The following ZAP70 variants were observed in gnomAD, a reference collection of about 807,000 sequenced individuals.
ZAP70 encodes zeta chain of T cell receptor associated protein kinase 70, also known as tyrosine-protein kinase ZAP-70.
In ZAP70, 27 loss-of-function variants were observed where a neutral mutation model predicts 65.8. That is an observed-to-expected ratio of 0.41 (90% confidence interval 0.30 to 0.57). The LOEUF is 0.57. Ranked by LOEUF, ZAP70 falls within the 20% of genes least tolerant of loss-of-function variation. The probability of loss-of-function intolerance (pLI) is 0.28; values close to 1 mark genes in which losing one functional copy is unlikely to be tolerated. For synonymous variants in ZAP70, 363 were observed against 360.8 expected (o/e 1.01, Z -0.07); for missense variants, 696 against 870.5 (o/e 0.80, Z 2.52).
chr2:97,720,950 C>T (rs1197105338), intron 2 of ZAP70, among the ~76,000 whole-genome samples: 2 of 152,174 alleles, frequency 1.3e-5, no homozygotes, highest in African/African-American at 4.8e-5. Context: ...GGAGCTTTCA[C>T]AAAAGCATTC....
the ZAP70 span, among the ~76,000 whole-genome samples, chr2:97,751,815 G>A: frequency 6.6e-6 from 1 of 152,236 alleles, no homozygotes; most frequent in African/African-American, 2.4e-5. Context: ...GGGAGGAAGA[G>A]GGAGGTGGGG....
chr2:97,745,283 C>G, the ZAP70 span, among the ~76,000 whole-genome samples: 1 of 152,238 alleles, frequency 6.6e-6, no homozygotes, highest in African/African-American at 2.4e-5. Flanking sequence ...AGGTGATCCA[C>G]CTGCCTTGGC....
intron 13 of ZAP70, 89 bp from the exon 14 acceptor site, chr2:97,739,286 C>T: frequency 1.3e-6 from 2 of 1,570,250 alleles, no homozygotes; most frequent in Non-Finnish European, 1.7e-6. Flanking sequence ...AAAAGTCTAC[C>T]TCAGCCAAGC....
At chr2:97,714,706 T>C (rs1676839808) in intron 2 of ZAP70, among the ~76,000 whole-genome samples, 1 of 152,150 alleles carries the variant, frequency 6.6e-6, no homozygotes, top group African/African-American at 2.4e-5. Flanking sequence ...CTCGTCTTGG[T>C]TGGAACAGTA....
chr2:97,734,299 A>G (rs1559326823), intron 8 of ZAP70: 1 of 1,340,244 alleles, frequency 7.5e-7, no homozygotes, highest in East Asian at 2.6e-5. Flanking sequence ...ACGCCCCTAG[A>G]GTCCACCCTC....
intron 4 of ZAP70, among the ~76,000 whole-genome samples, chr2:97,726,489 G>C (rs1677393417): frequency 6.6e-6 from 1 of 152,236 alleles, no homozygotes; most frequent in African/African-American, 2.4e-5. Context: ...CTTGGCCTGA[G>C]CCCCTGCCCA....
chr2:97,726,696 C>T (rs1677401134), intron 4 of ZAP70, among the ~76,000 whole-genome samples: 1 of 152,246 alleles, frequency 6.6e-6, no homozygotes, highest in Non-Finnish European at 1.5e-5. Flanking sequence ...TTTCACCCTA[C>T]CATACAGATT....
intron 7 of ZAP70, 39 bp downstream of exon 7, chr2:97,733,382 A>C (rs374670472): frequency 1.3e-6 from 2 of 1,591,098 alleles, no homozygotes. Context: ...TTGGGGATGG[A>C]GCTGGGGAGT....
At chr2:97,751,288 C>T in the ZAP70 span, among the ~76,000 whole-genome samples, 17 of 151,988 alleles carry the variant, frequency 1.1e-4, no homozygotes, top group East Asian at 3.9e-4. Flanking sequence ...CACGTAGAGG[C>T]GGGTGTGTTT....
intron 13 of ZAP70, 70 bp from the exon 14 acceptor site, chr2:97,739,305 T>C: frequency 1.9e-6 from 3 of 1,602,974 alleles, no homozygotes; most frequent in Non-Finnish European, 2.6e-6. Flanking sequence ...GCACAGTGCA[T>C]GCCCACCCAC....
the ZAP70 span, among the ~76,000 whole-genome samples, chr2:97,748,960 G>C: frequency 2.0e-5 from 3 of 151,516 alleles, no homozygotes; most frequent in African/African-American, 7.3e-5. Context: ...GTCTGGGAGT[G>C]CGTTTGTAGA....
the ZAP70 span, among the ~76,000 whole-genome samples, chr2:97,753,237 C>A: frequency 1.3e-5 from 2 of 152,292 alleles, no homozygotes; most frequent in African/African-American, 4.8e-5. Flanking sequence ...GCAGGGAAGA[C>A]CCCTTTCCTC....
intron 9 of ZAP70, 122 bp downstream of exon 9, chr2:97,734,834 C>T (rs1215728435): frequency 7.4e-7 from 1 of 1,359,678 alleles, no homozygotes; most frequent in Non-Finnish European, 1.0e-6. Context: ...GAAACAGACT[C>T]TGGGGCAGGA....
chr2:97,743,394 G>A (rs1162107874), downstream of ZAP70, among the ~76,000 whole-genome samples: 1 of 152,222 alleles, frequency 6.6e-6, no homozygotes, highest in African/African-American at 2.4e-5. Flanking sequence ...GGAGTGCAAT[G>A]GCGCGATCTT....
rs957427713 is a variant in ZAP70 at position 97,735,078 on chromosome 2, C to T, written c.1083-172C>T. 6.6e-5 allele frequency: 53 copies of T among 797,158 alleles called. No homozygotes were observed. The Middle Eastern group carries it at 1.1e-3, about 16-fold the overall frequency. 49.4% of individuals were successfully genotyped at this position (797,158 alleles called of 1,614,324 possible). A position where few individuals can be genotyped will look rare whatever the true frequency, so the allele number is the denominator to read the frequency against. Reference sequence around the variant, plus strand: ...GAGCGATCCGGCTGTGAGCCGTCCTCAGCAGACGCTCCAGGCTGCAGGGAC... The same window carrying T: ...GAGCGATCCGGCTGTGAGCCGTCCTTAGCAGACGCTCCAGGCTGCAGGGAC... On this transcript the variant is annotated intron_variant, in intron 9 of 13. Coordinates refer to ENST00000264972, the MANE Select transcript of ZAP70 (RefSeq NM_001079.4).
chr2:97,735,885 C>A (rs547352782), intron 10 of ZAP70, among the ~76,000 whole-genome samples: 122 of 152,214 alleles, frequency 8.0e-4, no homozygotes, highest in African/African-American at 2.8e-3. Context: ...TGGTGGTGGG[C>A]GCCTCCCAGC....
chr2:97,741,256 C>T (rs1279189298), downstream of ZAP70, among the ~76,000 whole-genome samples: 1 of 152,202 alleles, frequency 6.6e-6, no homozygotes, highest in Non-Finnish European at 1.5e-5. Flanking sequence ...CCAACAGTCC[C>T]CTGGAAGGTG....
At chr2:97,752,813 A>C in the ZAP70 span, among the ~76,000 whole-genome samples, 1 of 152,148 alleles carries the variant, frequency 6.6e-6, no homozygotes, top group African/African-American at 2.4e-5. Context: ...CAACCTGCCC[A>C]TGTGGGAGCA....
intron 2 of ZAP70, among the ~76,000 whole-genome samples, chr2:97,714,309 T>C (rs1676824423): frequency 6.6e-6 from 1 of 152,084 alleles, no homozygotes; most frequent in African/African-American, 2.4e-5. Context: ...CAGAGAAACC[T>C]CCAGAGAAAG....
Sources: allele counts gnomAD v4.1 joint callset (sites outside exome capture counted in the v4.1 genomes callset), GRCh38; gene constraint gnomAD v4.1.1; transcripts MANE v1.5; gene names NCBI Gene and HGNC (gene_info 2026-07-23, HGNC 2026-07-21).